BBS9: variants seen among roughly 807,000 people sequenced by gnomAD.
BBS9 encodes protein PTHB1.
BBS9 carries 89 observed loss-of-function variants against 117.7 expected under a neutral mutation model. That is an observed-to-expected ratio of 0.76 (90% CI 0.64 to 0.90). The LOEUF (loss-of-function observed/expected upper bound fraction) is 0.90. BBS9 is among the 40% of genes least tolerant of loss of function. The pLI is 0.00. For synonymous variants in BBS9, 379 were observed against 370.9 expected, an observed-to-expected ratio of 1.02 and a Z score of -0.25; for missense variants, 982 against 1,042.2, an observed-to-expected ratio of 0.94 and a Z score of 0.80.
intron 17 of BBS9, among the ~76,000 whole-genome samples, chr7:33,370,556 G>A (rs1160191920): frequency 2.0e-5 from 3 of 152,220 alleles, no homozygotes; most frequent in Non-Finnish European, 2.9e-5. Context: ...TAAAAATAAC[G>A]GGAAAGTTCT....
intron 12 of BBS9, chr7:33,346,450 G>T (rs748794227): frequency 1.3e-4 from 26 of 194,748 alleles, no homozygotes; most frequent in South Asian, 1.3e-3. Flanking sequence ...TTTCCTAAGG[G>T]TTATATTTCA....
chr7:33,383,862 C>T, intron 18 of BBS9, 24 bp downstream of exon 18: 1 of 1,599,948 alleles, frequency 6.3e-7, no homozygotes, highest in Non-Finnish European at 8.5e-7. Context: ...TAACCCACAT[C>T]ATCTATAATC....
intron 5 of BBS9, among the ~76,000 whole-genome samples, chr7:33,231,212 C>G (rs528573237): frequency 6.6e-6 from 1 of 151,936 alleles, no homozygotes; most frequent in Non-Finnish European, 1.5e-5. Flanking sequence ...CTATGTTGCC[C>G]AGGTTGGCCA....
intron 9 of BBS9, among the ~76,000 whole-genome samples, chr7:33,323,232 A>T (rs1268538838): frequency 6.6e-6 from 1 of 152,150 alleles, no homozygotes; most frequent in East Asian, 1.9e-4. Context: ...ATATTCCACA[A>T]ATATCTGTTA....
intron 20 of BBS9, among the ~76,000 whole-genome samples, chr7:33,533,366 G>A (rs992418884): frequency 2.0e-5 from 3 of 152,304 alleles, no homozygotes; most frequent in East Asian, 3.9e-4. Context: ...CCTGGACAGT[G>A]AGCAGTACTA....
chr7:33,500,064 T>G (rs1350276167), intron 19 of BBS9, among the ~76,000 whole-genome samples: 2 of 152,134 alleles, frequency 1.3e-5, no homozygotes, highest in Non-Finnish European at 2.9e-5. Flanking sequence ...GAAAAAAACC[T>G]TAGTATGTTA....
chr7:33,470,923 G>A (rs1018188266), intron 19 of BBS9, among the ~76,000 whole-genome samples: 7 of 152,052 alleles, frequency 4.6e-5, no homozygotes, highest in East Asian at 1.9e-4. Flanking sequence ...GATAGAAAAC[G>A]GCTGAGAAAT....
At chr7:33,373,368 A>C (rs1302827084) in intron 17 of BBS9, among the ~76,000 whole-genome samples, 1 of 152,154 alleles carries the variant, frequency 6.6e-6, no homozygotes, top group Non-Finnish European at 1.5e-5. Context: ...TGTCTTGCTA[A>C]GTTGATAATC....
At chr7:33,508,955 T>A (rs1412207584) in intron 20 of BBS9, among the ~76,000 whole-genome samples, 7 of 152,208 alleles carry the variant, frequency 4.6e-5, no homozygotes, top group African/African-American at 1.2e-4. Flanking sequence ...ATGGACTTAG[T>A]CTCTCCTGAA....
intron 17 of BBS9, among the ~76,000 whole-genome samples, chr7:33,381,598 A>G (rs1164093310): frequency 2.2e-4 from 33 of 152,308 alleles, no homozygotes; most frequent in Admixed American, 2.2e-3. Context: ...TACTATCTCT[A>G]AAACATTAAA....
intron 6 of BBS9, among the ~76,000 whole-genome samples, chr7:33,262,483 T>C (rs1798122361): frequency 6.6e-6 from 1 of 152,184 alleles, no homozygotes; most frequent in Non-Finnish European, 1.5e-5. Flanking sequence ...TTTCTGTTGC[T>C]ATGAATTGGG....
intron 19 of BBS9, among the ~76,000 whole-genome samples, chr7:33,477,382 C>A (rs996777478): frequency 6.6e-6 from 1 of 152,090 alleles, no homozygotes; most frequent in Non-Finnish European, 1.5e-5. Flanking sequence ...AGAGAAAAGT[C>A]CATTTGAATG....
intron 19 of BBS9, among the ~76,000 whole-genome samples, chr7:33,397,689 C>A (rs1475368593): frequency 1.3e-5 from 2 of 152,044 alleles, no homozygotes. Context: ...GAGCTGGAAG[C>A]CATTATTCTC....
intron 5 of BBS9, among the ~76,000 whole-genome samples, chr7:33,231,153 GT>G (rs1459405389): frequency 6.6e-6 from 1 of 151,406 alleles, no homozygotes; most frequent in Non-Finnish European, 1.5e-5. Context: ...TCTTTAGCTT[GT>G]GGGAATTCTG....
chr7:33,237,991 A>G (rs1286039962), intron 5 of BBS9, among the ~76,000 whole-genome samples: 1 of 152,188 alleles, frequency 6.6e-6, no homozygotes, highest in Admixed American at 6.5e-5. Context: ...CCTCAAGAAT[A>G]GAGAGCCATT....
intron 5 of BBS9, among the ~76,000 whole-genome samples, chr7:33,251,173 T>A (rs538279965): frequency 1.3e-5 from 2 of 152,332 alleles, no homozygotes; most frequent in South Asian, 4.1e-4. Flanking sequence ...TGAGGCTTGA[T>A]GCACTGGCTC....
intron 19 of BBS9, among the ~76,000 whole-genome samples, chr7:33,432,518 A>T (rs17725162): frequency 6.6e-6 from 1 of 151,908 alleles, no homozygotes; most frequent in African/African-American, 2.4e-5. Context: ...AAAGGGTTCC[A>T]TAGAAAACTA....
At chr7:33,409,862 T>C (rs911094651) in intron 19 of BBS9, among the ~76,000 whole-genome samples, 1 of 152,194 alleles carries the variant, frequency 6.6e-6, no homozygotes, top group Non-Finnish European at 1.5e-5. Flanking sequence ...TTTTGCTACA[T>C]GTATTTCCCT....
chr7:33,189,442 A>G (rs1171158182), intron 5 of BBS9, among the ~76,000 whole-genome samples: 1 of 152,152 alleles, frequency 6.6e-6, no homozygotes, highest in Admixed American at 6.5e-5. Context: ...TTCATAATAA[A>G]TATGTGGTTT....
Sources: allele counts gnomAD v4.1 joint callset (sites outside exome capture counted in the v4.1 genomes callset), GRCh38; gene constraint gnomAD v4.1.1; transcripts MANE v1.5; gene names NCBI Gene and HGNC (gene_info 2026-07-23, HGNC 2026-07-21).